CCDC148: variants seen among roughly 807,000 people sequenced by gnomAD.
CCDC148 encodes the protein coiled-coil domain-containing protein 148.
CCDC148 carries 89 observed loss-of-function variants against 85.7 expected under a neutral mutation model. That is an observed-to-expected ratio of 1.04 (90% confidence interval 0.87 to 1.24). The LOEUF (loss-of-function observed/expected upper bound fraction) is 1.24, where lower values mean the gene tolerates loss of function less well. Ranked by LOEUF, CCDC148 falls within the 50% of genes most tolerant of loss-of-function variation. The pLI is 0.00. For synonymous variants in CCDC148, 230 were observed against 213.9 expected, an observed-to-expected ratio of 1.08 and a Z score of -0.66; for missense variants, 692 against 671.7, an observed-to-expected ratio of 1.03 and a Z score of -0.33.
At chr2:158,386,608 A>G (rs1208358451) in intron 1 of CCDC148, among the ~76,000 whole-genome samples, 1 of 152,180 alleles carries the variant, frequency 6.6e-6, no homozygotes, top group African/African-American at 2.4e-5. Flanking sequence ...CCAAAGAGAG[A>G]TGCTCCAAAC....
At chr2:158,368,252 GCATATGTT>G (rs997451791) in intron 1 of CCDC148, among the ~76,000 whole-genome samples, 4 of 152,052 alleles carry the variant, frequency 2.6e-5, no homozygotes, top group African/African-American at 9.7e-5. Context: ...AAAATAATGG[GCATATGTT>G]CTTTATCCCA....
At chr2:158,243,891 A>T (rs1226239373) in intron 10 of CCDC148, among the ~76,000 whole-genome samples, 2 of 148,058 alleles carry the variant, frequency 1.4e-5, no homozygotes. Flanking sequence ...CACCTTCAAC[A>T]TTTTTTTTTT....
At chr2:158,410,931 A>G (rs6708209) in intron 1 of CCDC148, among the ~76,000 whole-genome samples, 109,026 of 151,930 alleles carry the variant, frequency 0.72, 39,927 homozygotes, top group East Asian at 0.82. Context: ...TCTGAGAACT[A>G]TTCTAACTAC....
intron 1 of CCDC148, among the ~76,000 whole-genome samples, chr2:158,410,530 T>C (rs1686213080): frequency 6.6e-6 from 1 of 152,172 alleles, no homozygotes; most frequent in Non-Finnish European, 1.5e-5. Flanking sequence ...TTATAGGTGT[T>C]TTTCTTTGTG....
chr2:158,394,292 A>G (rs1685436753), intron 1 of CCDC148, among the ~76,000 whole-genome samples: 1 of 152,154 alleles, frequency 6.6e-6, no homozygotes, highest in Non-Finnish European at 1.5e-5. Flanking sequence ...TGACAAATAA[A>G]TAGGGAAATA....
At chr2:158,364,610 T>G (rs1164383439) in intron 1 of CCDC148, among the ~76,000 whole-genome samples, 1 of 152,200 alleles carries the variant, frequency 6.6e-6, no homozygotes, top group African/African-American at 2.4e-5. Context: ...GCTAGCCATA[T>G]GCAGAAAACT....
At chr2:158,193,359 CTCAT>C (rs1685507124) in intron 11 of CCDC148, among the ~76,000 whole-genome samples, 1 of 152,110 alleles carries the variant, frequency 6.6e-6, no homozygotes, top group South Asian at 2.1e-4. Flanking sequence ...ACAACTGTCA[CTCAT>C]GGACCACAGG....
At chr2:158,237,617 G>A (rs957547665) in intron 10 of CCDC148, among the ~76,000 whole-genome samples, 9 of 151,942 alleles carry the variant, frequency 5.9e-5, no homozygotes, top group African/African-American at 1.9e-4. Context: ...GAGTATTTTG[G>A]AGACAAAAGC....
At chr2:158,364,846 A>G (rs1365736469) in intron 1 of CCDC148, among the ~76,000 whole-genome samples, 4 of 152,240 alleles carry the variant, frequency 2.6e-5, no homozygotes, top group Non-Finnish European at 1.5e-5. Context: ...TCTACACAGC[A>G]AAAGAAACTA....
chr2:158,281,489 G>A (rs571053324), intron 9 of CCDC148, among the ~76,000 whole-genome samples: 100 of 152,096 alleles, frequency 6.6e-4, no homozygotes, highest in African/African-American at 2.2e-3. Flanking sequence ...TCAGAGAGTA[G>A]TACAAACACC....
chr2:158,388,406 G>C (rs549043191), intron 1 of CCDC148, among the ~76,000 whole-genome samples: 176 of 152,322 alleles, frequency 1.2e-3, no homozygotes, highest in Non-Finnish European at 1.1e-3. Flanking sequence ...TCTGGAGCTA[G>C]AGTGTGGGAT....
At chr2:158,444,996 T>C (rs1688102889) in intron 1 of CCDC148, among the ~76,000 whole-genome samples, 1 of 152,034 alleles carries the variant, frequency 6.6e-6, no homozygotes, top group South Asian at 2.1e-4. Context: ...AAGCCTTCCG[T>C]GTTTATGCAC....
chr2:158,434,117 A>G (rs764208882), intron 1 of CCDC148, among the ~76,000 whole-genome samples: 12 of 152,152 alleles, frequency 7.9e-5, no homozygotes, highest in Non-Finnish European at 1.8e-4. Context: ...CTATGAAGAG[A>G]GTAGTGGTTC....
intron 10 of CCDC148, among the ~76,000 whole-genome samples, chr2:158,248,310 C>A (rs1688648946): frequency 6.6e-6 from 1 of 151,848 alleles, no homozygotes; most frequent in South Asian, 2.1e-4. Flanking sequence ...ATATTCTCTC[C>A]TTTATTTAAA....
chr2:158,243,351 A>G (rs1269970060), intron 10 of CCDC148, among the ~76,000 whole-genome samples: 3 of 151,896 alleles, frequency 2.0e-5, no homozygotes, highest in African/African-American at 7.3e-5. Context: ...CTATAATCAA[A>G]TTTTGGGGGA....
chr2:158,282,347 T>G (rs1292039728), intron 9 of CCDC148, among the ~76,000 whole-genome samples: 3 of 152,216 alleles, frequency 2.0e-5, no homozygotes, highest in Non-Finnish European at 4.4e-5. Context: ...TGTCCTTGTT[T>G]GCAGATGACA....
chr2:158,309,221 A>G (rs1018828187), intron 9 of CCDC148, among the ~76,000 whole-genome samples: 27 of 152,230 alleles, frequency 1.8e-4, no homozygotes, highest in Admixed American at 1.4e-3. Flanking sequence ...ATCCTGTTAT[A>G]GTAACTTTTT....
intron 7 of CCDC148, among the ~76,000 whole-genome samples, chr2:158,326,168 C>A (rs1692762465): frequency 6.6e-6 from 1 of 152,170 alleles, no homozygotes; most frequent in Non-Finnish European, 1.5e-5. Context: ...CTGTTCCTGC[C>A]ACACTGGCCT....
chr2:158,189,033 A>G (rs1344737123), intron 11 of CCDC148, among the ~76,000 whole-genome samples: 1 of 152,014 alleles, frequency 6.6e-6, no homozygotes, highest in East Asian at 1.9e-4. Flanking sequence ...CAAAACCACA[A>G]TGAGATACCA....
Sources: gnomAD v4.1 joint callset for allele counts (sites outside exome capture counted in the v4.1 genomes callset) on GRCh38, gnomAD v4.1.1 for gene constraint, MANE v1.5 for transcripts, NCBI Gene and HGNC (gene_info 2026-07-23, HGNC 2026-07-21) for gene names.